The following HIVEP2 variants were observed in gnomAD, a reference collection of about 807,000 sequenced individuals.
The protein encoded by HIVEP2 is transcription factor HIVEP2.
HIVEP2 carries 14 observed loss-of-function variants against 180.7 expected under a neutral mutation model. The ratio of observed to expected loss-of-function variants is 0.08; its 90% CI spans 0.05 to 0.12. HIVEP2 has a LOEUF of 0.12. HIVEP2 is among the 10% of genes least tolerant of loss of function. The pLI is 1.00. For missense variants in HIVEP2, 2,579 were observed against 3,008.5 expected, an observed-to-expected ratio of 0.86 and a Z score of 3.34; for synonymous variants, 1,184 against 1,136.4, an observed-to-expected ratio of 1.04 and a Z score of -0.84.
chr6:142,827,921 C>T (rs1255578822), intron 2 of HIVEP2, among the ~76,000 whole-genome samples: 1 of 152,172 alleles, frequency 6.6e-6, no homozygotes, highest in Non-Finnish European at 1.5e-5. Flanking sequence ...ACAGTGCAGG[C>T]TTTTCCTCAC....
In HIVEP2 at chr6:142,773,430, C is replaced by A. The variant is rs746758467; in HGVS notation, c.1309G>T (p.Ala437Ser). ...GKYCRLSPRN[A>S]LSVTTTSQER... ...TGACTTGTGGTTGTAACACTGAGTG[C>A]ATTTCTCGGACTAAGCCGACAGTAT... Residue 437 changes from alanine to serine, a missense_variant, in exon 5 of 10, where the codon GCA becomes TCA. Coordinates refer to ENST00000367603, the MANE Select transcript of HIVEP2 (RefSeq NM_006734.4). The A allele has an allele frequency of 4.3e-6, 7 of 1,614,074 alleles. No homozygotes were observed. Among genetic ancestry groups the A allele is most frequent in the Non-Finnish European group, 5.9e-6 (7 of 1,180,038 alleles).
intron 2 of HIVEP2, among the ~76,000 whole-genome samples, chr6:142,815,862 C>T (rs970410453): frequency 1.3e-5 from 2 of 152,184 alleles, no homozygotes; most frequent in Non-Finnish European, 2.9e-5. Flanking sequence ...TCTTATAATT[C>T]CCTTCTTTTG....
At chr6:142,802,409 G>A (rs757779497) in intron 2 of HIVEP2, among the ~76,000 whole-genome samples, 3 of 152,054 alleles carry the variant, frequency 2.0e-5, no homozygotes, top group Non-Finnish European at 4.4e-5. Context: ...ACAGGACACA[G>A]GTTTGGTAAA....
At chr6:142,807,504 C>T (rs539941439) in intron 2 of HIVEP2, among the ~76,000 whole-genome samples, 1 of 152,136 alleles carries the variant, frequency 6.6e-6, no homozygotes, top group Admixed American at 6.5e-5. Context: ...AATTTTTTTC[C>T]ATAGAAATAA....
chr6:142,936,470 G>A (rs886671048), intron 1 of HIVEP2, among the ~76,000 whole-genome samples: 7 of 151,960 alleles, frequency 4.6e-5, no homozygotes, highest in Admixed American at 2.0e-4. Flanking sequence ...GATTACAGCC[G>A]TGAGCCACCG....
Position 142,908,854 on chromosome 6 carries a change from C to CAAAA in HIVEP2, c.-641+36241_-641+36244dup, listed in dbSNP as rs11443809. ...CTCCACTCTGTAAGATACCACCTCT[C>CAAAA]AAAAAAAAAAAAAAAAAAAAAAATT... On this transcript the variant is annotated intron_variant, in intron 1 of 9. Transcript: ENST00000367603. Among the ~76,000 whole-genome samples, 202 of 87,760 alleles carry CAAAA rather than the reference C, an allele frequency of 2.3e-3. 3 individuals are homozygous for CAAAA. The highest frequency in any genetic ancestry group is 3.9e-3 in the Admixed American group (31 of 7,916). 57.6% of individuals were successfully genotyped at this position (87,760 alleles called of 152,430 possible).
In HIVEP2 at chr6:142,796,163, C is replaced by A. The variant is rs547015032; in HGVS notation, c.-527-12548G>T. On this transcript the variant is annotated intron_variant, in intron 2 of 9. Coordinates refer to ENST00000367603, the MANE Select transcript of HIVEP2 (RefSeq NM_006734.4). Reference sequence around the variant, plus strand: ...CTGAAGAAATGTTAATGTCTAGGCCCTAACTAAAACTTCCTGCTTCACTGA... The same window carrying A: ...CTGAAGAAATGTTAATGTCTAGGCCATAACTAAAACTTCCTGCTTCACTGA... Among the ~76,000 whole-genome samples, 3 of 152,232 alleles carry A rather than the reference C, an allele frequency of 2.0e-5. No homozygotes were observed. In the South Asian group the frequency reaches 6.2e-4, roughly 32 times the overall value.
rs1245006228 is a variant in HIVEP2, at chr6:142,857,402, G to A, written c.-640-20355C>T. ...ATGCTCTTATTTTGTATGTTCTCAC[G>A]GGGTTTCAGGACTTGTGCAAATTGT... On this transcript the variant is annotated intron_variant, in intron 1 of 9. Coordinates refer to ENST00000367603, the MANE Select transcript of HIVEP2 (RefSeq NM_006734.4). 5.3e-5 allele frequency among the ~76,000 whole-genome samples: 8 copies of A among 152,128 alleles called. No homozygotes were observed. In the East Asian group the frequency reaches 1.2e-3, roughly 22 times the overall value.
chr6:142,814,673 C>T (rs961291981), intron 2 of HIVEP2, among the ~76,000 whole-genome samples: 1 of 151,888 alleles, frequency 6.6e-6, no homozygotes, highest in Non-Finnish European at 1.5e-5. Flanking sequence ...GAAGGTAGGA[C>T]AAACAAGTCT....
chr6:142,853,618 A>C (rs182017086), intron 1 of HIVEP2, among the ~76,000 whole-genome samples: 2 of 152,352 alleles, frequency 1.3e-5, no homozygotes, highest in South Asian at 2.1e-4. Context: ...CTTCTTGTCA[A>C]ATAGTCACAC....
At chr6:142,876,498 G>A (rs1329629209) in intron 1 of HIVEP2, among the ~76,000 whole-genome samples, 1 of 152,128 alleles carries the variant, frequency 6.6e-6, no homozygotes, top group African/African-American at 2.4e-5. Context: ...GTAGACAGGT[G>A]CAGTGATGAG....
At chr6:142,788,012 G>A (rs197494) in intron 2 of HIVEP2, 79,926 of 152,000 alleles carry the variant, frequency 0.53, 21,899 homozygotes, top group Non-Finnish European at 0.6. Context: ...AGCTACATAT[G>A]GTCTATTGCT....
intron 1 of HIVEP2, among the ~76,000 whole-genome samples, chr6:142,851,033 A>T (rs932156097): frequency 1.3e-5 from 2 of 152,248 alleles, no homozygotes; most frequent in African/African-American, 4.8e-5. Flanking sequence ...TTTCTTTATA[A>T]CTTAGGAAAT....
intron 2 of HIVEP2, among the ~76,000 whole-genome samples, chr6:142,820,950 C>T (rs1423471540): frequency 6.6e-6 from 1 of 152,020 alleles, no homozygotes; most frequent in Non-Finnish European, 1.5e-5. Flanking sequence ...AAGAGAAACA[C>T]TAACAAACAT....
chr6:142,782,830 A>C (rs1775890376), intron 3 of HIVEP2, among the ~76,000 whole-genome samples: 2 of 152,198 alleles, frequency 1.3e-5, no homozygotes, highest in South Asian at 4.1e-4. Flanking sequence ...CAAGATATTT[A>C]TGACTTATTT....
chr6:142,861,092 C>T (rs1045228205), intron 1 of HIVEP2, among the ~76,000 whole-genome samples: 10 of 152,116 alleles, frequency 6.6e-5, no homozygotes, highest in South Asian at 2.1e-4. Context: ...CACAACAGAA[C>T]GACATGCCAG....
intron 1 of HIVEP2, among the ~76,000 whole-genome samples, chr6:142,927,510 G>A (rs570485316): frequency 6.6e-6 from 1 of 152,240 alleles, no homozygotes; most frequent in East Asian, 1.9e-4. Context: ...TAGGCAAGAA[G>A]GCCCCCTGAG....
Position 142,753,367 on chromosome 6 carries a change from G to T in HIVEP2, c.7081C>A (p.Pro2361Thr). 6.2e-7 allele frequency: 1 copy of T among 1,614,074 alleles called. No homozygotes were observed. Among genetic ancestry groups the T allele is most frequent in the Non-Finnish European group, 8.5e-7 (1 of 1,180,036 alleles). ...PARVQEPHQN[P>T]LGSAHVSIRH... ...ATGCTAACATGTGCACTTCCCAGGGGGTTCTGGTGGGGCTCCTGCACCCGC... is the reference window on the plus strand; with the variant it reads ...ATGCTAACATGTGCACTTCCCAGGGTGTTCTGGTGGGGCTCCTGCACCCGC... The change falls in exon 10 of 10, where the codon CCC (proline) becomes ACC (threonine). Residue 2361 changes from proline (P) to threonine (T), a missense_variant. Pro to Thr is a conservative substitution (Grantham distance 38). Coordinates refer to ENST00000367603, the MANE Select transcript of HIVEP2 (RefSeq NM_006734.4).
At chr6:142,930,364 C>G (rs1777915365) in intron 1 of HIVEP2, among the ~76,000 whole-genome samples, 1 of 152,142 alleles carries the variant, frequency 6.6e-6, no homozygotes, top group Non-Finnish European at 1.5e-5. Context: ...CCTATAGAAC[C>G]CTTTTCTACT....
Sources: allele counts gnomAD v4.1 joint callset (sites outside exome capture counted in the v4.1 genomes callset), GRCh38; gene constraint gnomAD v4.1.1; transcripts MANE v1.5; gene names NCBI Gene and HGNC (gene_info 2026-07-23, HGNC 2026-07-21).